ANKFN1: variants seen among roughly 807,000 people sequenced by gnomAD.
The protein encoded by ANKFN1 is ankyrin repeat and fibronectin type-III domain-containing protein 1.
ANKFN1 carries 74 observed loss-of-function variants against 108.7 expected under a neutral mutation model. The observed-to-expected ratio is 0.68, with a 90% CI of 0.56 to 0.83. The LOEUF is 0.83. Ranked by LOEUF, ANKFN1 falls within the 40% of genes least tolerant of loss-of-function variation. The pLI, the probability that ANKFN1 is intolerant of heterozygous loss-of-function variation, is 0.00. For missense variants in ANKFN1, 1,505 were observed against 1,382.3 expected (o/e 1.09, Z -1.41); for synonymous variants, 547 against 516.2 (o/e 1.06, Z -0.81).
intron 3 of ANKFN1, among the ~76,000 whole-genome samples, chr17:56,282,124 A>G (rs938057151): frequency 1.3e-5 from 2 of 152,192 alleles, no homozygotes; most frequent in Non-Finnish European, 2.9e-5. Flanking sequence ...AAATTTTGGT[A>G]TATTCATACT....
At chr17:56,068,633 C>T (rs958176758) in intron 4 of ANKFN1, among the ~76,000 whole-genome samples, 1 of 152,186 alleles carries the variant, frequency 6.6e-6, no homozygotes, top group South Asian at 2.1e-4. Context: ...ATTCCACAAA[C>T]TCTTTCTCCA....
At chr17:56,307,229 G>T (rs1251321111) in intron 3 of ANKFN1, among the ~76,000 whole-genome samples, 1 of 152,164 alleles carries the variant, frequency 6.6e-6, no homozygotes, top group Admixed American at 6.5e-5. Context: ...TGACAAATGG[G>T]ATCTAATTAA....
At chr17:56,192,245 T>A (rs1341386772) in intron 1 of ANKFN1, among the ~76,000 whole-genome samples, 11 of 146,512 alleles carry the variant, frequency 7.5e-5, no homozygotes, top group African/African-American at 2.8e-4. Flanking sequence ...TATACAAAAA[T>A]TAATTCAAGA....
intron 8 of ANKFN1, among the ~76,000 whole-genome samples, chr17:56,379,456 C>T (rs2047033977): frequency 1.3e-5 from 2 of 151,574 alleles, no homozygotes; most frequent in Non-Finnish European, 2.9e-5. Flanking sequence ...GTATTCATAC[C>T]TCAAACTCTA....
chr17:56,295,224 C>A (rs548795748), intron 3 of ANKFN1, among the ~76,000 whole-genome samples: 1 of 152,154 alleles, frequency 6.6e-6, no homozygotes, highest in South Asian at 2.1e-4. Context: ...ATTCTTGAGA[C>A]GGTCATCCTT....
At chr17:56,302,734 G>T (rs907203581) in intron 3 of ANKFN1, among the ~76,000 whole-genome samples, 1 of 151,990 alleles carries the variant, frequency 6.6e-6, no homozygotes, top group Non-Finnish European at 1.5e-5. Context: ...TATTTTCTAC[G>T]CATAGGCTAC....
chr17:56,189,179 T>TTTTTTTTTTTTTTTTTTTTTTTTTTG (rs1244013476), intron 1 of ANKFN1, among the ~76,000 whole-genome samples: 1 of 111,372 alleles, frequency 9.0e-6, no homozygotes, highest in African/African-American at 4.9e-5. Context: ...ACTTTTTTTT[T>TTTTTTTTTTTTTTTTTTTTTTTTTTG]TTTTTTTTTG....
chr17:56,154,913 G>A (rs962587230), intron 1 of ANKFN1, among the ~76,000 whole-genome samples: 1 of 152,162 alleles, frequency 6.6e-6, no homozygotes, highest in African/African-American at 2.4e-5. Context: ...ACACTAATTA[G>A]TGGCAGAACT....
chr17:56,048,981 C>A (rs181257526), intron 4 of ANKFN1, among the ~76,000 whole-genome samples: 1 of 152,324 alleles, frequency 6.6e-6, no homozygotes, highest in East Asian at 1.9e-4. Flanking sequence ...GTTTCCACTG[C>A]CCTGTAATGA....
At chr17:56,382,491 A>G (rs573456080) in intron 8 of ANKFN1, among the ~76,000 whole-genome samples, 13 of 152,304 alleles carry the variant, frequency 8.5e-5, no homozygotes, top group African/African-American at 3.1e-4. Context: ...ATTAACTTTA[A>G]ATGTAAATGG....
At chr17:56,485,811 G>C (rs2050837869) in intron 18 of ANKFN1, among the ~76,000 whole-genome samples, 1 of 152,088 alleles carries the variant, frequency 6.6e-6, no homozygotes, top group Admixed American at 6.6e-5. Context: ...ATTTTAACCT[G>C]CATAAGAATC....
At chr17:56,276,432 C>T (rs2043936857) in intron 3 of ANKFN1, among the ~76,000 whole-genome samples, 1 of 152,178 alleles carries the variant, frequency 6.6e-6, no homozygotes. Flanking sequence ...GCCACACTGT[C>T]TTCCACAATG....
intron 10 of ANKFN1, among the ~76,000 whole-genome samples, chr17:56,444,296 A>T (rs1278810060): frequency 2.0e-5 from 3 of 152,194 alleles, no homozygotes; most frequent in Non-Finnish European, 4.4e-5. Flanking sequence ...TTTTCACCTA[A>T]CATTCAACTG....
chr17:56,306,192 C>T (rs147026226), intron 3 of ANKFN1, among the ~76,000 whole-genome samples: 98 of 152,292 alleles, frequency 6.4e-4, no homozygotes, highest in Middle Eastern at 3.4e-3. Flanking sequence ...ACCTAAAAAA[C>T]GTCTTGCTGA....
chr17:56,329,861 C>G (rs2045614462), intron 4 of ANKFN1, among the ~76,000 whole-genome samples: 1 of 152,114 alleles, frequency 6.6e-6, no homozygotes, highest in Admixed American at 6.5e-5. Flanking sequence ...AGTGCCCAAC[C>G]CCAGAGAGCT....
chr17:56,143,163 C>G (rs1487234022), intron 4 of ANKFN1, among the ~76,000 whole-genome samples: 1 of 152,080 alleles, frequency 6.6e-6, no homozygotes, highest in African/African-American at 2.4e-5. Context: ...AGATGAGAGG[C>G]CAAGTTTGGG....
At position 56,510,668 on chromosome 17, in the gene ANKFN1, C is replaced by T. The variant is rs1240466525; in HGVS notation, c.2840C>T (p.Thr947Ile). 1 of 1,536,182 alleles carries T rather than the reference C, an allele frequency of 6.5e-7. No homozygotes were observed. The highest frequency in any genetic ancestry group is 1.2e-5 in the South Asian group (1 of 84,068). ...PDVLQVHDVK[T>I]PLGPGQDPQG... ...GTCCTGCAAGTGCACGACGTGAAAA[C>T]CCCTCTGGGGCCGGGCCAGGATCCC... The change falls in exon 21 of 21, where the codon ACC becomes ATC. Residue 947 changes from threonine (T) to isoleucine (I), a missense_variant. Thr to Ile is a moderately conservative substitution (Grantham distance 89). Coordinates refer to ENST00000682825, the MANE Select transcript of ANKFN1 (RefSeq NM_001370326.1).
intron 3 of ANKFN1, among the ~76,000 whole-genome samples, chr17:56,260,327 A>G (rs1377627272): frequency 6.6e-6 from 1 of 152,190 alleles, no homozygotes; most frequent in Admixed American, 6.5e-5. Context: ...TTTTTAAATG[A>G]GGGAGAGTGG....
intron 3 of ANKFN1, among the ~76,000 whole-genome samples, chr17:56,312,011 C>T (rs561536256): frequency 2.6e-5 from 4 of 152,258 alleles, no homozygotes; most frequent in Middle Eastern, 3.4e-3. Context: ...TATGGTTCAC[C>T]TGAAAACTTG....
Sources: allele counts gnomAD v4.1 joint callset (sites outside exome capture counted in the v4.1 genomes callset), GRCh38; gene constraint gnomAD v4.1.1; transcripts MANE v1.5; gene names NCBI Gene and HGNC (gene_info 2026-07-23, HGNC 2026-07-21).